REDIC1: variants seen among roughly 807,000 people sequenced by gnomAD.
REDIC1 encodes the protein regulator of DNA class I crossover intermediates 1.
chr12:39,642,562 A>G, the REDIC1 span, among the ~76,000 whole-genome samples: 2 of 151,882 alleles, frequency 1.3e-5, no homozygotes, highest in South Asian at 4.1e-4. Flanking sequence ...ATCACAAAGT[A>G]CAGTGCCTTT....
chr12:39,790,668 C>T, the REDIC1 span, among the ~76,000 whole-genome samples: 1,854 of 110,668 alleles, frequency 0.017, 28 homozygotes, highest in Admixed American at 0.035. Flanking sequence ...TGAATAATGC[C>T]GCAATAAACA....
At chr12:39,899,692 G>A in the REDIC1 span, among the ~76,000 whole-genome samples, 15 of 151,888 alleles carry the variant, frequency 9.9e-5, no homozygotes, top group Admixed American at 4.6e-4. Flanking sequence ...CTTTGTTCTC[G>A]TTGGTTTCAA....
the REDIC1 span, among the ~76,000 whole-genome samples, chr12:39,772,101 T>A: frequency 6.6e-6 from 1 of 152,272 alleles, no homozygotes; most frequent in South Asian, 2.1e-4. Flanking sequence ...CATTATCATA[T>A]AGTGCTCTGT....
At chr12:39,826,813 A>G in the REDIC1 span, among the ~76,000 whole-genome samples, 1 of 139,028 alleles carries the variant, frequency 7.2e-6, no homozygotes, top group Non-Finnish European at 1.5e-5. Context: ...GTATAATTGA[A>G]AAATACACTA....
the REDIC1 span, among the ~76,000 whole-genome samples, chr12:39,656,355 A>G: frequency 6.6e-6 from 1 of 152,152 alleles, no homozygotes; most frequent in Non-Finnish European, 1.5e-5. Flanking sequence ...AAAAATTCCT[A>G]CCATCTAGTG....
chr12:39,839,989 T>C, the REDIC1 span, among the ~76,000 whole-genome samples: 557 of 152,198 alleles, frequency 3.7e-3, 2 homozygotes, highest in Non-Finnish European at 5.7e-3. Flanking sequence ...ATCAATTCTA[T>C]GTCTCAAGCA....
chr12:39,739,013 T>C, the REDIC1 span, among the ~76,000 whole-genome samples: 1 of 151,754 alleles, frequency 6.6e-6, no homozygotes, highest in South Asian at 2.1e-4. Flanking sequence ...ATTTTTATAA[T>C]ATGAAATAAA....
At chr12:39,757,487 T>C in the REDIC1 span, 1 of 151,784 alleles carries the variant, frequency 6.6e-6, no homozygotes, top group South Asian at 2.1e-4. Context: ...CTATAAATGT[T>C]CACCAAATCT....
the REDIC1 span, among the ~76,000 whole-genome samples, chr12:39,823,065 T>G: frequency 2.0e-5 from 3 of 152,190 alleles, no homozygotes; most frequent in Non-Finnish European, 4.4e-5. Context: ...AGGCATGTGA[T>G]CTCTGAAATT....
the REDIC1 span, among the ~76,000 whole-genome samples, chr12:39,854,763 C>A: frequency 3.9e-5 from 6 of 152,174 alleles, no homozygotes; most frequent in Non-Finnish European, 5.9e-5. Context: ...CTGCATCATC[C>A]TGTGCCTGGT....
chr12:39,712,572 T>C, the REDIC1 span, among the ~76,000 whole-genome samples: 44 of 144,824 alleles, frequency 3.0e-4, no homozygotes, highest in South Asian at 1.3e-3. Context: ...TATACGTATA[T>C]ACGTATATAT....
chr12:39,671,340 C>T, the REDIC1 span, among the ~76,000 whole-genome samples: 2 of 152,156 alleles, frequency 1.3e-5, no homozygotes, highest in Admixed American at 6.5e-5. Context: ...TTGACTTAGG[C>T]CACAAAATTG....
the REDIC1 span, among the ~76,000 whole-genome samples, chr12:39,686,815 C>T: frequency 6.6e-6 from 1 of 152,178 alleles, no homozygotes; most frequent in South Asian, 2.1e-4. Context: ...TTTCTTTGCT[C>T]ACACATATGA....
At chr12:39,670,732 C>T in the REDIC1 span, among the ~76,000 whole-genome samples, 19 of 126,076 alleles carry the variant, frequency 1.5e-4, no homozygotes, top group African/African-American at 5.1e-4. Flanking sequence ...CGTCTTTCTA[C>T]ATTTCTTCTT....
At chr12:39,647,730 C>G in the REDIC1 span, 1 of 1,181,902 alleles carries the variant, frequency 8.5e-7, no homozygotes, top group Non-Finnish European at 1.1e-6. Context: ...ACTATTTTGA[C>G]TTTCCTCTTC....
the REDIC1 span, among the ~76,000 whole-genome samples, chr12:39,896,279 C>CATAT: frequency 0.089 from 6,892 of 77,256 alleles, 1,023 homozygotes; most frequent in East Asian, 0.31. Context: ...TATATGTATA[C>CATAT]ATGTATGTAT....
the REDIC1 span, among the ~76,000 whole-genome samples, chr12:39,629,332 A>C: frequency 6.6e-6 from 1 of 152,196 alleles, no homozygotes; most frequent in Non-Finnish European, 1.5e-5. Context: ...AGGGCTCTCT[A>C]TATACTTTTT....
chr12:39,812,430 C>T, the REDIC1 span, among the ~76,000 whole-genome samples: 1 of 140,380 alleles, frequency 7.1e-6, no homozygotes, highest in African/African-American at 2.7e-5. Context: ...TCCTGCCTTC[C>T]TTCCTTTTCT....
the REDIC1 span, among the ~76,000 whole-genome samples, chr12:39,644,673 T>C: frequency 2.4e-3 from 370 of 152,004 alleles, 1 homozygote; most frequent in African/African-American, 8.0e-3. Flanking sequence ...TTAGAAAGAA[T>C]AAATACATTG....
Sources: gnomAD v4.1 joint callset for allele counts (sites outside exome capture counted in the v4.1 genomes callset) on GRCh38, gnomAD v4.1.1 for gene constraint, MANE v1.5 for transcripts, NCBI Gene and HGNC (gene_info 2026-07-23, HGNC 2026-07-21) for gene names.